DYM: variants seen among roughly 807,000 people sequenced by gnomAD.
DYM encodes the protein dymeclin.
DYM carries 78 observed loss-of-function variants against 93.1 expected under a neutral mutation model. That is an observed-to-expected ratio of 0.84 (90% confidence interval 0.70 to 1.01). The LOEUF (loss-of-function observed/expected upper bound fraction) is 1.01, where lower values mean the gene tolerates loss of function less well. Among genes scored for constraint, DYM ranks in the 50% least tolerant of loss-of-function variants. DYM has a pLI of 0.00. For synonymous variants in DYM, 321 were observed against 319.7 expected, an observed-to-expected ratio of 1.00 and a Z score of -0.04; for missense variants, 789 against 845.0, an observed-to-expected ratio of 0.93 and a Z score of 0.82.
chr18:49,080,142 C>G (rs1213531691), intron 17 of DYM, among the ~76,000 whole-genome samples: 1 of 16,022 alleles, frequency 6.2e-5, no homozygotes. Flanking sequence ...CCGGACGGGG[C>G]GGCTGGCCGG....
chr18:49,148,868 C>T (rs191465832), intron 15 of DYM, among the ~76,000 whole-genome samples: 29 of 152,276 alleles, frequency 1.9e-4, no homozygotes, highest in South Asian at 1.0e-3. Context: ...TCATGGAAGA[C>T]GATTTTTCCA....
At chr18:49,044,377 G>C (rs907366583) in intron 17 of DYM, among the ~76,000 whole-genome samples, 173 bp from the exon 18 acceptor site, 1 of 152,202 alleles carries the variant, frequency 6.6e-6, no homozygotes, top group African/African-American at 2.4e-5. Flanking sequence ...AATGGCTCCT[G>C]AGAAAATGTG....
intron 16 of DYM, among the ~76,000 whole-genome samples, chr18:49,113,220 A>C (rs1191450154): frequency 6.6e-6 from 1 of 152,210 alleles, no homozygotes; most frequent in Non-Finnish European, 1.5e-5. Flanking sequence ...TAATGTCCAG[A>C]GATAACAAGA....
chr18:49,341,619 T>C (rs988331563), intron 6 of DYM, among the ~76,000 whole-genome samples: 1 of 151,794 alleles, frequency 6.6e-6, no homozygotes, highest in Non-Finnish European at 1.5e-5. Context: ...CATGAGTTGA[T>C]AGTTACTGAA....
intron 15 of DYM, among the ~76,000 whole-genome samples, chr18:49,120,078 C>CAAAAAAAAAAAAAAAAA (rs71165367): frequency 1.8e-5 from 1 of 56,178 alleles, no homozygotes; most frequent in African/African-American, 5.9e-5. Context: ...GATCCTGTCT[C>CAAAAAAAAAAAAAAAAA]AAAAAAAAAA....
chr18:49,185,050 T>C (rs2090310338), intron 14 of DYM, among the ~76,000 whole-genome samples: 1 of 152,178 alleles, frequency 6.6e-6, no homozygotes, highest in African/African-American at 2.4e-5. Context: ...GCTGTGTGTG[T>C]GTGAGTTGTG....
chr18:49,126,771 C>T (rs529457332), intron 15 of DYM, among the ~76,000 whole-genome samples: 5 of 151,954 alleles, frequency 3.3e-5, no homozygotes, highest in East Asian at 3.9e-4. Flanking sequence ...AACATATTTT[C>T]GAAGTATTTT....
chr18:49,176,027 T>C (rs1334975288), intron 14 of DYM, among the ~76,000 whole-genome samples: 1 of 152,126 alleles, frequency 6.6e-6, no homozygotes, highest in Admixed American at 6.5e-5. Flanking sequence ...AATCAAAAAT[T>C]ATATGTAAAC....
intron 14 of DYM, among the ~76,000 whole-genome samples, chr18:49,171,554 T>C (rs1367679612): frequency 2.0e-5 from 3 of 152,154 alleles, no homozygotes; most frequent in Non-Finnish European, 4.4e-5. Context: ...CCTAAAGAGC[T>C]ACTAAAATGT....
At chr18:49,269,592 A>T (rs1267906871) in intron 11 of DYM, among the ~76,000 whole-genome samples, 1 of 152,214 alleles carries the variant, frequency 6.6e-6, no homozygotes, top group African/African-American at 2.4e-5. Flanking sequence ...AATGTAATAC[A>T]TACAGTCATT....
intron 14 of DYM, among the ~76,000 whole-genome samples, chr18:49,186,210 ACT>A (rs2090418495): frequency 6.6e-6 from 1 of 152,088 alleles, no homozygotes; most frequent in African/African-American, 2.4e-5. Flanking sequence ...TGCTCTGCCC[ACT>A]GTCTTTTTTT....
intron 1 of DYM, among the ~76,000 whole-genome samples, chr18:49,452,841 A>G (rs2082643255): frequency 7.4e-6 from 1 of 134,534 alleles, no homozygotes; most frequent in Non-Finnish European, 1.6e-5. Flanking sequence ...GGGGACTTGG[A>G]GAACCTTTAT....
At chr18:49,329,373 A>G (rs995225840) in intron 8 of DYM, among the ~76,000 whole-genome samples, 1 of 152,184 alleles carries the variant, frequency 6.6e-6, no homozygotes, top group Non-Finnish European at 1.5e-5. Context: ...AACATGGCAC[A>G]TATATACATA....
chr18:49,158,084 C>T (rs2086650338), intron 15 of DYM, among the ~76,000 whole-genome samples: 1 of 152,190 alleles, frequency 6.6e-6, no homozygotes, highest in Admixed American at 6.5e-5. Flanking sequence ...GGAATGTTTT[C>T]CTGCCTGAAT....
intron 2 of DYM, among the ~76,000 whole-genome samples, chr18:49,426,793 A>G (rs947842341): frequency 1.4e-5 from 2 of 143,552 alleles, no homozygotes; most frequent in African/African-American, 2.5e-5. Flanking sequence ...GTGTGTGTGA[A>G]TTTACCCTCA....
chr18:49,238,715 C>T (rs985761439), intron 13 of DYM, among the ~76,000 whole-genome samples: 1 of 151,834 alleles, frequency 6.6e-6, no homozygotes, highest in Non-Finnish European at 1.5e-5. Context: ...TCGCTTGAAC[C>T]CAGGAGGCAG....
chr18:49,177,080 T>C (rs2145395879), intron 14 of DYM, among the ~76,000 whole-genome samples: 1 of 152,272 alleles, frequency 6.6e-6, no homozygotes, highest in Middle Eastern at 3.4e-3. Flanking sequence ...TCTGTCCAGT[T>C]TTTTAAAAAT....
At chr18:49,278,942 T>C (rs2094908820) in intron 10 of DYM, among the ~76,000 whole-genome samples, 1 of 152,224 alleles carries the variant, frequency 6.6e-6, no homozygotes, top group South Asian at 2.1e-4. Flanking sequence ...TAGCTGCTTT[T>C]CTTGGTAAAC....
intron 1 of DYM, among the ~76,000 whole-genome samples, chr18:49,437,222 G>A (rs1173724326): frequency 6.6e-6 from 1 of 152,098 alleles, no homozygotes; most frequent in Non-Finnish European, 1.5e-5. Flanking sequence ...TCATTCCACA[G>A]ACATTCTGTG....
Sources: allele counts gnomAD v4.1 joint callset (sites outside exome capture counted in the v4.1 genomes callset), GRCh38; gene constraint gnomAD v4.1.1; transcripts MANE v1.5; gene names NCBI Gene and HGNC (gene_info 2026-07-23, HGNC 2026-07-21).